The following CENPP variants were observed in gnomAD, a reference collection of about 807,000 sequenced individuals.
CENPP encodes centromere protein P.
CENPP carries 24 observed loss-of-function variants against 35.6 expected under a neutral mutation model. That is an observed-to-expected ratio of 0.67 (90% CI 0.49 to 0.95). The LOEUF (loss-of-function observed/expected upper bound fraction) is 0.95, where lower values mean the gene tolerates loss of function less well. CENPP is among the 40% of genes least tolerant of loss of function. The probability of loss-of-function intolerance (pLI) is 0.00; values close to 1 mark genes in which losing one functional copy is unlikely to be tolerated. For missense variants in CENPP, 332 were observed against 345.3 expected, an observed-to-expected ratio of 0.96 and a Z score of 0.31; for synonymous variants, 120 against 125.5, an observed-to-expected ratio of 0.96 and a Z score of 0.29.
chr9:92,566,223 C>T (rs1001442484), intron 5 of CENPP, among the ~76,000 whole-genome samples: 2 of 151,470 alleles, frequency 1.3e-5, no homozygotes, highest in African/African-American at 2.4e-5. Flanking sequence ...TTGCTTGAAC[C>T]CAGGAGTCAG....
chr9:92,426,136 G>C (rs950943798), intron 5 of CENPP, among the ~76,000 whole-genome samples: 18 of 152,102 alleles, frequency 1.2e-4, no homozygotes, highest in Non-Finnish European at 2.5e-4. Context: ...GGATGGGGAT[G>C]GGGGGAGGTG....
chr9:92,466,465 A>G (rs1845316626), intron 5 of CENPP: 3 of 1,611,816 alleles, frequency 1.9e-6, no homozygotes, highest in Admixed American at 1.7e-5. Context: ...ATTAAGTGGT[A>G]TTTCACTTAG....
chr9:92,568,530 G>A lies in CENPP; in HGVS notation c.565-42784G>A, dbSNP rs113467371. 8.0e-3 allele frequency among the ~76,000 whole-genome samples: 1,211 copies of A among 152,266 alleles called. 6 individuals carry two copies. The highest frequency in any genetic ancestry group is 0.012 in the Non-Finnish European group (837 of 68,028). On this transcript the variant is annotated intron_variant, in intron 5 of 7. Coordinates refer to ENST00000375587, the MANE Select transcript of CENPP (RefSeq NM_001012267.3). The stretch of plus-strand genomic sequence containing the variant: ...TTCCAAGTCTTTGCTATTGAGAATA[G>A]TGCTGCAGTAAACATACGAGTGTAT...
At chr9:92,532,039 T>TTTTTTTTTTTTTTTTA (rs1848826400) in intron 5 of CENPP, among the ~76,000 whole-genome samples, 1 of 141,098 alleles carries the variant, frequency 7.1e-6, no homozygotes, top group African/African-American at 2.8e-5. Context: ...ATTTTATTTT[T>TTTTTTTTTTTTTTTTA]TTTTTGAGAT....
At chr9:92,404,081 C>T (rs1405740024) in intron 5 of CENPP, among the ~76,000 whole-genome samples, 1 of 152,050 alleles carries the variant, frequency 6.6e-6, no homozygotes, top group African/African-American at 2.4e-5. Flanking sequence ...AATAGTATTG[C>T]AGGCTAGAGG....
At chr9:92,393,167 G>A (rs760396322) in intron 5 of CENPP, 1 of 1,613,808 alleles carries the variant, frequency 6.2e-7, no homozygotes, top group Admixed American at 1.7e-5. Context: ...TTTGGTAAGG[G>A]TGGTACAGCA....
chr9:92,557,978 C>T (rs1250561666), intron 5 of CENPP, among the ~76,000 whole-genome samples: 4 of 152,080 alleles, frequency 2.6e-5, no homozygotes, highest in African/African-American at 9.7e-5. Context: ...TCCAAAGTTT[C>T]CTGAGTTTTT....
intron 5 of CENPP, among the ~76,000 whole-genome samples, chr9:92,542,534 G>T (rs1280551711): frequency 6.7e-6 from 1 of 148,620 alleles, no homozygotes; most frequent in Non-Finnish European, 1.5e-5. Context: ...ATGGAGTCTC[G>T]CTCTGTCTCA....
chr9:92,607,029 A>C (rs553604912), intron 5 of CENPP, among the ~76,000 whole-genome samples: 1 of 152,304 alleles, frequency 6.6e-6, no homozygotes, highest in East Asian at 1.9e-4. Flanking sequence ...AAACCACCCA[A>C]AAGTCTGTTA....
intron 5 of CENPP, chr9:92,502,757 T>G (rs1846762224): frequency 1.0e-6 from 1 of 970,488 alleles, no homozygotes; most frequent in African/African-American, 1.7e-5. Flanking sequence ...TAGTATTATC[T>G]AAAGAGTCTT....
At chr9:92,436,851 G>A (rs768880472) in intron 5 of CENPP, among the ~76,000 whole-genome samples, 1 of 151,964 alleles carries the variant, frequency 6.6e-6, no homozygotes, top group Non-Finnish European at 1.5e-5. Flanking sequence ...AATTGTTTTG[G>A]CTATTCTAGT....
chr9:92,525,305 G>A (rs1215393451), intron 5 of CENPP, among the ~76,000 whole-genome samples: 6 of 150,362 alleles, frequency 4.0e-5, no homozygotes, highest in Middle Eastern at 3.2e-3. Flanking sequence ...GTAACAGAGC[G>A]AGACTCTGTC....
chr9:92,362,838 G>A (rs1299696512), intron 4 of CENPP, among the ~76,000 whole-genome samples: 1 of 152,058 alleles, frequency 6.6e-6, no homozygotes, highest in African/African-American at 2.4e-5. Flanking sequence ...CTCTATGTAT[G>A]TATATGTATC....
rs192523300 is a variant in CENPP, at chr9:92,395,501, C to T, written c.564+15642C>T. ...TGTGTAAGTTTGTGTGGACTTAATGCTTTCATTTCTCTTGGGTAAGTACCT... is the reference window on the plus strand; with the variant it reads ...TGTGTAAGTTTGTGTGGACTTAATGTTTTCATTTCTCTTGGGTAAGTACCT... On this transcript the variant is annotated intron_variant, in intron 5 of 7. Transcript: ENST00000375587. Among the ~76,000 whole-genome samples, 27 of 152,228 alleles carry T rather than the reference C, an allele frequency of 1.8e-4. No homozygotes were observed. In the East Asian group the frequency reaches 5.0e-3, roughly 28 times the overall value.
intron 5 of CENPP, among the ~76,000 whole-genome samples, chr9:92,400,427 G>T (rs969142290): frequency 1.3e-5 from 2 of 152,204 alleles, no homozygotes; most frequent in African/African-American, 4.8e-5. Flanking sequence ...GGGATTACAG[G>T]CGTGAGCCAC....
chr9:92,429,508 C>T (rs1844049629), intron 5 of CENPP, among the ~76,000 whole-genome samples: 1 of 152,092 alleles, frequency 6.6e-6, no homozygotes, highest in Admixed American at 6.5e-5. Flanking sequence ...ATTTTCAGGC[C>T]AAGTGCAGTG....
In CENPP at chr9:92,329,723, T is replaced by TTGTG. The variant is rs113846007; in HGVS notation, c.108-2429_108-2426dup. On this transcript the variant is annotated intron_variant, in intron 1 of 7. Coordinates refer to ENST00000375587, the MANE Select transcript of CENPP (RefSeq NM_001012267.3). ...CACCTGCCACTATGCCCAGATAATT[T>TTGTG]TGTGTGTGTGTGTGTGTGTGTATTT... is the stretch of plus-strand genomic sequence containing the variant. 4.9e-3 allele frequency among the ~76,000 whole-genome samples: 739 copies of TTGTG among 150,970 alleles called. 5 individuals carry two copies. The highest frequency in any genetic ancestry group is 0.015 in the African/African-American group (613 of 41,312).
At chr9:92,433,311 T>C (rs1844165362) in intron 5 of CENPP, among the ~76,000 whole-genome samples, 1 of 152,210 alleles carries the variant, frequency 6.6e-6, no homozygotes, top group Non-Finnish European at 1.5e-5. Context: ...GGCAGTTAGA[T>C]TTCAACATGA....
chr9:92,571,535 G>T lies in CENPP; in HGVS notation c.565-39779G>T, dbSNP rs1055358507. 3.3e-5 allele frequency among the ~76,000 whole-genome samples: 5 copies of T among 152,218 alleles called. No homozygotes were observed. The South Asian group carries it at 1.0e-3, about 31-fold the overall frequency. On this transcript the variant is annotated intron_variant, in intron 5 of 7. Transcript: ENST00000375587. ...AATTTTGGAGTAAGTGCAATTTGGT[G>T]CTGAGAAGAATGTATATTCTGTTGA...
Sources: gnomAD v4.1 joint callset for allele counts (sites outside exome capture counted in the v4.1 genomes callset) on GRCh38, gnomAD v4.1.1 for gene constraint, MANE v1.5 for transcripts, NCBI Gene and HGNC (gene_info 2026-07-23, HGNC 2026-07-21) for gene names.